The following DACH2 variants were observed in gnomAD, a reference collection of about 807,000 sequenced individuals.
DACH2 encodes dachshund homolog 2.
Under a neutral mutation model 35.8 loss-of-function variants are expected in DACH2, and 17 were observed. That is an observed-to-expected ratio of 0.48 (90% CI 0.33 to 0.71). The LOEUF (loss-of-function observed/expected upper bound fraction) is 0.71. Ranked by LOEUF, DACH2 falls within the 30% of genes least tolerant of loss-of-function variation. The pLI is 0.02. For synonymous variants in DACH2, 195 were observed against 177.3 expected, an observed-to-expected ratio of 1.10 and a Z score of -0.79; for missense variants, 469 against 472.7, an observed-to-expected ratio of 0.99 and a Z score of 0.07.
At chrX:86,423,721 A>C (rs2036844387) in intron 2 of DACH2, among the ~76,000 whole-genome samples, 1 of 110,625 alleles carries the variant, frequency 9.0e-6, no homozygotes, top group Admixed American at 9.6e-5. Context: ...GTTTTGCTCA[A>C]GAAAGTTTTG....
At chrX:86,214,347 C>G (rs190182216) in intron 1 of DACH2, among the ~76,000 whole-genome samples, 1 of 112,178 alleles carries the variant, frequency 8.9e-6, no homozygotes, top group African/African-American at 3.2e-5. Flanking sequence ...TATCTTATGT[C>G]TATAAAACTT....
intron 2 of DACH2, among the ~76,000 whole-genome samples, chrX:86,471,964 C>T (rs1017132616): frequency 8.9e-6 from 1 of 111,742 alleles, no homozygotes; most frequent in African/African-American, 3.2e-5. Context: ...AAAATGTATG[C>T]ATATTTGAAA....
intron 1 of DACH2, among the ~76,000 whole-genome samples, chrX:86,245,247 C>A (rs7067193): frequency 0.085 from 9,424 of 111,354 alleles, 1,018 homozygotes; most frequent in African/African-American, 0.29. Context: ...CAGGACATGT[C>A]CATGCACAGG....
At chrX:86,432,232 G>A (rs898201282) in intron 2 of DACH2, among the ~76,000 whole-genome samples, 5 of 112,097 alleles carry the variant, frequency 4.5e-5, no homozygotes, top group Non-Finnish European at 9.4e-5. Flanking sequence ...CAGAAAAGAA[G>A]CTGATTTTTG....
At chrX:86,696,220 A>T (rs1045371755) in intron 5 of DACH2, among the ~76,000 whole-genome samples, 11 of 111,561 alleles carry the variant, frequency 9.9e-5, no homozygotes, top group African/African-American at 3.6e-4. Flanking sequence ...CTACCTTAGG[A>T]TGAAGGCAAC....
intron 3 of DACH2, among the ~76,000 whole-genome samples, chrX:86,611,683 A>G: frequency 9.0e-6 from 1 of 110,816 alleles, no homozygotes; most frequent in Non-Finnish European, 1.9e-5. Context: ...GGTTTTCCTT[A>G]CCGCTGTGAC....
chrX:86,597,125 C>CA (rs779159987), intron 3 of DACH2, among the ~76,000 whole-genome samples: 1 of 111,642 alleles, frequency 9.0e-6, no homozygotes, highest in East Asian at 2.8e-4. Context: ...GGGCCCCTTG[C>CA]AATTCCATAT....
intron 2 of DACH2, among the ~76,000 whole-genome samples, chrX:86,486,955 G>T (rs1355983934): frequency 4.5e-5 from 5 of 111,773 alleles, no homozygotes; most frequent in Non-Finnish European, 9.4e-5. Context: ...CTATGTGATG[G>T]GATCAAAGCT....
intron 5 of DACH2, among the ~76,000 whole-genome samples, chrX:86,706,288 A>G (rs2041215674): frequency 9.0e-6 from 1 of 111,494 alleles, no homozygotes; most frequent in Non-Finnish European, 1.9e-5. Flanking sequence ...AAAAGAATGT[A>G]TTGGATGATT....
intron 5 of DACH2, among the ~76,000 whole-genome samples, chrX:86,702,745 C>G (rs953503681): frequency 1.8e-5 from 2 of 111,456 alleles, no homozygotes; most frequent in African/African-American, 6.5e-5. Flanking sequence ...AAATCCTAAA[C>G]AGACCAATAA....
At chrX:86,824,279 C>T (rs189667098) in intron 11 of DACH2, among the ~76,000 whole-genome samples, 39 of 111,328 alleles carry the variant, frequency 3.5e-4, no homozygotes, top group Admixed American at 5.7e-4. Context: ...AAGAATTTAG[C>T]GATATCTTCC....
intron 1 of DACH2, among the ~76,000 whole-genome samples, chrX:86,255,796 G>T (rs7058456): frequency 1.8e-5 from 2 of 111,826 alleles, no homozygotes; most frequent in Non-Finnish European, 3.8e-5. Context: ...GATGATATTA[G>T]TGAAGTTCTA....
At chrX:86,150,517 CT>C (rs1202329998) in intron 1 of DACH2, among the ~76,000 whole-genome samples, 1 of 111,358 alleles carries the variant, frequency 9.0e-6, no homozygotes, top group South Asian at 3.7e-4. Flanking sequence ...TTTCCTTCTT[CT>C]TTTTTTTCTT....
intron 5 of DACH2, among the ~76,000 whole-genome samples, chrX:86,707,108 G>GA (rs2041224664): frequency 1.8e-5 from 2 of 110,160 alleles, no homozygotes; most frequent in African/African-American, 6.6e-5. Context: ...GGCTAACTAA[G>GA]AAAAAGAGAG....
At chrX:86,369,842 T>C (rs2035860265) in intron 1 of DACH2, among the ~76,000 whole-genome samples, 1 of 111,758 alleles carries the variant, frequency 8.9e-6, no homozygotes, top group Middle Eastern at 4.6e-3. Context: ...TTTACTCAGA[T>C]TCTAGAACAC....
chrX:86,716,940 G>A (rs958819100), intron 6 of DACH2, among the ~76,000 whole-genome samples: 4 of 111,853 alleles, frequency 3.6e-5, no homozygotes, highest in South Asian at 3.7e-4. Context: ...TTTAAAAGGC[G>A]AAATTAGATC....
chrX:86,796,461 CA>C (rs1304911814), intron 7 of DACH2, among the ~76,000 whole-genome samples: 1 of 111,714 alleles, frequency 9.0e-6, no homozygotes, highest in Non-Finnish European at 1.9e-5. Flanking sequence ...TCATGGGACT[CA>C]AATGTTATAA....
chrX:86,627,273 A>C (rs771719669), intron 3 of DACH2, among the ~76,000 whole-genome samples: 2 of 111,838 alleles, frequency 1.8e-5, no homozygotes, highest in East Asian at 5.7e-4. Context: ...TTGCTAAAGT[A>C]TAGCAAGAGT....
intron 1 of DACH2, chrX:86,345,282 G>T (rs1348257321): frequency 1.4e-5 from 2 of 141,832 alleles, no homozygotes; most frequent in Non-Finnish European, 2.7e-5. Flanking sequence ...TCTTTTTCAT[G>T]GCCAATAAAC....
Sources: gnomAD v4.1 joint callset for allele counts (sites outside exome capture counted in the v4.1 genomes callset) on GRCh38, gnomAD v4.1.1 for gene constraint, MANE v1.5 for transcripts, NCBI Gene and HGNC (gene_info 2026-07-23, HGNC 2026-07-21) for gene names.